The following ZFP36L1 variants were observed in gnomAD, a reference collection of about 807,000 sequenced individuals.
ZFP36L1 encodes ZFP36 like 1 zinc finger CCCH-type.
Under a neutral mutation model 16.7 loss-of-function variants are expected in ZFP36L1, and 4 were observed. The observed-to-expected ratio is 0.24, with a 90% confidence interval of 0.12 to 0.55. ZFP36L1 has a LOEUF of 0.55. Among genes scored for constraint, ZFP36L1 ranks in the 20% least tolerant of loss-of-function variants. The probability of loss-of-function intolerance (pLI) is 0.94; values close to 1 mark genes in which losing one functional copy is unlikely to be tolerated. For synonymous variants in ZFP36L1, 220 were observed against 190.8 expected (o/e 1.15, Z -1.26); for missense variants, 311 against 449.2 (o/e 0.69, Z 2.78).
At chr14:68,795,341 C>T (rs1895221601), upstream of ZFP36L1, among the ~76,000 whole-genome samples, 2 of 139,258 alleles carry the variant, frequency 1.4e-5, no homozygotes, top group African/African-American at 5.1e-5. Context: ...AAGAGGCCGG[C>T]TGGTCTTTAA....
upstream of ZFP36L1, chr14:68,793,257 G>T: frequency 1.8e-6 from 2 of 1,113,598 alleles, no homozygotes; most frequent in Non-Finnish European, 2.2e-6. Flanking sequence ...AAGGAAGAAG[G>T]GGGAGGGGAG....
At chr14:68,791,953 T>C (rs1435210127) in intron 1 of ZFP36L1, among the ~76,000 whole-genome samples, 1 of 152,030 alleles carries the variant, frequency 6.6e-6, no homozygotes, top group Non-Finnish European at 1.5e-5. Flanking sequence ...CTTCAGCAAT[T>C]AAAAAGTAGC....
At chr14:68,794,756 T>G (rs1000577039), upstream of ZFP36L1, 16 of 152,362 alleles carry the variant, frequency 1.1e-4, no homozygotes, top group Admixed American at 9.8e-4. Flanking sequence ...TAAAACTGCA[T>G]TTCTTATTTA....
chr14:68,795,874 G>A (rs556892393), upstream of ZFP36L1: 4 of 641,180 alleles, frequency 6.2e-6, no homozygotes, highest in East Asian at 1.6e-4. Context: ...CGGCGTCCCC[G>A]CCGCGGTGAG....
At position 68,790,367 on chromosome 14, in the gene ZFP36L1, C is replaced by T. The variant is rs761801902; in HGVS notation, c.183G>A (p.Lys61=). Residue 61 remains lysine, a synonymous_variant, in exon 2 of 2, where the codon AAG becomes AAA. Coordinates refer to ENST00000439696, the MANE Select transcript of ZFP36L1 (RefSeq NM_004926.4). ...TGCTGAGGAGCTGGTTCTGGTGGAA[C>T]TTGGAGCTGGGCAGGGTGACTGAGT... The part of the protein sequence containing the change: ...RRHSVTLPSS[K]FHQNQLLSSL... 1.9e-6 allele frequency: 3 copies of T among 1,613,508 alleles called. No homozygotes were observed. The highest frequency in any genetic ancestry group is 2.5e-6 in the Non-Finnish European group (3 of 1,179,828).
In ZFP36L1 at chr14:68,790,236, GGCTGCTTCTGGGTGGGCAGCA is replaced by G; in HGVS notation, c.293_313del (p.Leu98_Gln104del). 3.1e-6 allele frequency: 5 copies of G among 1,612,296 alleles called. No individual in the cohort carries two copies. Among genetic ancestry groups the G allele is most frequent in the Non-Finnish European group, 4.2e-6 (5 of 1,179,878 alleles). On this transcript the variant is annotated inframe_deletion, in exon 2 of 2. Coordinates refer to ENST00000439696, the MANE Select transcript of ZFP36L1 (RefSeq NM_004926.4). Reference sequence around the variant, plus strand: ...GCTGGAGTTGACCTGGCCGCCCCCGGGCTGCTTCTGGGTGGGCAGCAGCCGCTCGCCCCCTTCCGAGAAGGA... The same window carrying G: ...GCTGGAGTTGACCTGGCCGCCCCCGGGCCGCTCGCCCCCTTCCGAGAAGGA...
chr14:68,791,050 G>A (rs1895054845), intron 1 of ZFP36L1: 1 of 702,138 alleles, frequency 1.4e-6, no homozygotes, highest in African/African-American at 1.7e-5. Flanking sequence ...TTTTCAGACT[G>A]CCTTTGCTTT....
rs935149441 is a variant in ZFP36L1, at chr14:68,790,391, G to A, written c.159C>T (p.His53=). The A allele has an allele frequency of 6.2e-7, 1 of 1,613,824 alleles. No individual in the cohort carries two copies. Among genetic ancestry groups the A allele is most frequent in the Non-Finnish European group, 8.5e-7 (1 of 1,179,910 alleles). ...ACTTGGAGCTGGGCAGGGTGACTGA[G>A]TGCCTCCGAGGGAAGCCCCCACCAG... ...TPAGGGFPRR[H]SVTLPSSKFH... is the part of the protein sequence containing the mutation. The change falls in exon 2 of 2, where the codon CAC becomes CAT. Residue 53 remains histidine, a synonymous_variant. Transcript: ENST00000439696.
At position 68,788,764 on chromosome 14, in the gene ZFP36L1, T is replaced by G. The variant is rs549638566; in HGVS notation, c.*769A>C. The G allele has an allele frequency of 1.3e-5, 2 of 152,784 alleles. No homozygotes were observed. Among genetic ancestry groups the G allele is most frequent in the African/African-American group, 4.8e-5 (2 of 41,520 alleles). The allele number at this position is 152,784 out of a possible 1,614,324, so 9.5% of individuals were successfully genotyped here. On this transcript the variant is annotated 3_prime_UTR_variant, in exon 2 of 2. Coordinates refer to ENST00000439696, the MANE Select transcript of ZFP36L1 (RefSeq NM_004926.4). ...AAAAATTAAATCACAAAGTCCCACT[T>G]AAGTCAAAATCTTCGTCCGCTTTTT...
chr14:68,795,692 C>T (rs1007439206), upstream of ZFP36L1: 104 of 477,026 alleles, frequency 2.2e-4, 1 homozygote, highest in Non-Finnish European at 3.8e-4. Context: ...CTAGCCCGCT[C>T]GCTCCCGAGT....
At chr14:68,796,117 C>T, upstream of ZFP36L1, 1 of 1,364,848 alleles carries the variant, frequency 7.3e-7, no homozygotes, top group Non-Finnish European at 9.8e-7. Context: ...GCCGGCTCCT[C>T]TGTCCCAGGC....
chr14:68,794,975 C>T (rs550898486), upstream of ZFP36L1, among the ~76,000 whole-genome samples: 10 of 152,324 alleles, frequency 6.6e-5, no homozygotes, highest in East Asian at 1.9e-3. Context: ...TCTGCTGCTG[C>T]CCTCCAGCCG....
chr14:68,792,875 C>A lies in ZFP36L1; in HGVS notation c.57+7G>T, dbSNP rs778535332. 7.4e-6 allele frequency: 12 copies of A among 1,614,012 alleles called. No homozygotes were observed. The highest frequency in any genetic ancestry group is 1.0e-5 in the Non-Finnish European group (12 of 1,180,008). Reference sequence around the variant, plus strand: ...TTTTGAAAAGCAAATGCTCCGCCCCCCTTTACCTTGCATAAAACTTCGCTC... The same window carrying A: ...TTTTGAAAAGCAAATGCTCCGCCCCACTTTACCTTGCATAAAACTTCGCTC... On this transcript the variant is annotated splice_region_variant and intron_variant, in intron 1 of 1. Coordinates refer to ENST00000439696, the MANE Select transcript of ZFP36L1 (RefSeq NM_004926.4).
upstream of ZFP36L1, chr14:68,795,804 G>A: frequency 1.9e-6 from 1 of 535,696 alleles, no homozygotes; most frequent in South Asian, 1.4e-5. Flanking sequence ...TCATTTCGGG[G>A]ACTTTCCAAG....
At chr14:68,793,555 G>A (rs909203421), upstream of ZFP36L1, 1 of 985,872 alleles carries the variant, frequency 1.0e-6, no homozygotes, top group African/African-American at 1.7e-5. Flanking sequence ...CTTTTTGCCA[G>A]CGGGAGCTGA....
At chr14:68,795,488 T>G (rs1895226509), upstream of ZFP36L1, among the ~76,000 whole-genome samples, 1 of 152,186 alleles carries the variant, frequency 6.6e-6, no homozygotes, top group South Asian at 2.1e-4. Flanking sequence ...GCTATGCCCC[T>G]GCTTCGGGCG....
intron 1 of ZFP36L1, among the ~76,000 whole-genome samples, chr14:68,792,637 A>G (rs561944404): frequency 1.3e-5 from 2 of 152,186 alleles, no homozygotes; most frequent in South Asian, 2.1e-4. Flanking sequence ...CTGCCAGGCA[A>G]ACTTCGCCCC....
intron 1 of ZFP36L1, among the ~76,000 whole-genome samples, 185 bp from the exon 2 acceptor site, chr14:68,790,677 C>T (rs1450966579): frequency 1.3e-5 from 2 of 152,142 alleles, no homozygotes; most frequent in African/African-American, 4.8e-5. Context: ...ATTTTGGCCC[C>T]ATGCGTAAGA....
At position 68,792,879 on chromosome 14, in the gene ZFP36L1, T is replaced by C; in HGVS notation, c.57+3A>G. ...GAAAAGCAAATGCTCCGCCCCCCTT[T>C]ACCTTGCATAAAACTTCGCTCAAGT... On this transcript the variant is annotated splice_donor_region_variant and intron_variant, in intron 1 of 1. Transcript: ENST00000439696. 1 of 1,614,084 alleles carries C rather than the reference T, an allele frequency of 6.2e-7. No homozygotes were observed.
Sources: allele counts gnomAD v4.1 joint callset (sites outside exome capture counted in the v4.1 genomes callset), GRCh38; gene constraint gnomAD v4.1.1; transcripts MANE v1.5; gene names NCBI Gene and HGNC (gene_info 2026-07-23, HGNC 2026-07-21).